The following ACTR2 variants were observed in gnomAD, a reference collection of about 807,000 sequenced individuals.
ACTR2 encodes actin-related protein 2.
Under a neutral mutation model 50.2 loss-of-function variants are expected in ACTR2, and 5 were observed. The observed-to-expected ratio is 0.10, with a 90% CI of 0.05 to 0.21. The LOEUF (loss-of-function observed/expected upper bound fraction) is 0.21. Ranked by LOEUF, ACTR2 falls within the 10% of genes least tolerant of loss-of-function variation. The pLI, the probability that ACTR2 is intolerant of heterozygous loss-of-function variation, is 1.00. For synonymous variants in ACTR2, 140 were observed against 162.9 expected, an observed-to-expected ratio of 0.86 and a Z score of 1.07; for missense variants, 180 against 480.6, an observed-to-expected ratio of 0.37 and a Z score of 5.85.
At chr2:65,245,919 C>A (rs1671928455) in intron 2 of ACTR2, among the ~76,000 whole-genome samples, 1 of 152,156 alleles carries the variant, frequency 6.6e-6, no homozygotes, top group African/African-American at 2.4e-5. Flanking sequence ...TCTACAAATT[C>A]TCATTCACCT....
At chr2:65,232,348 C>G (rs528340032) in intron 1 of ACTR2, among the ~76,000 whole-genome samples, 1 of 152,302 alleles carries the variant, frequency 6.6e-6, no homozygotes, top group Non-Finnish European at 1.5e-5. Flanking sequence ...GCTTATAGTG[C>G]TAGAATAATT....
In ACTR2 at chr2:65,269,530, C is replaced by G. The variant is rs1672452109; in HGVS notation, c.*796C>G. On this transcript the variant is annotated 3_prime_UTR_variant, in exon 9 of 9. Coordinates refer to ENST00000260641, the MANE Select transcript of ACTR2 (RefSeq NM_005722.4). ...TGTTTTTTAAAATCAACCATGTTAG[C>G]TGGGATTAGACTCCCTACAGTCCTT... 6.6e-6 allele frequency: 1 copy of G among 152,140 alleles called. No individual in the cohort carries two copies. 9.4% of individuals were successfully genotyped at this position (152,140 alleles called of 1,614,324 possible).
intron 7 of ACTR2, among the ~76,000 whole-genome samples, chr2:65,263,859 G>A (rs1375560566): frequency 6.6e-6 from 1 of 152,174 alleles, no homozygotes; most frequent in Admixed American, 6.5e-5. Flanking sequence ...TTCAAGACCA[G>A]TCTGGCCAAA....
intron 3 of ACTR2, 102 bp downstream of exon 3, chr2:65,246,841 G>A: frequency 1.2e-6 from 1 of 859,970 alleles, no homozygotes; most frequent in Non-Finnish European, 1.8e-6. Flanking sequence ...AAAAATAATT[G>A]TTTTCCTTCA....
At position 65,261,095 on chromosome 2, in the gene ACTR2, A is replaced by AC; in HGVS notation, c.736-150dup. 5 of 721,068 alleles carry AC rather than the reference A, an allele frequency of 6.9e-6. No homozygotes were observed. In the South Asian group the frequency reaches 8.1e-5, roughly 12 times the overall value. 44.7% of individuals were successfully genotyped at this position (721,068 alleles called of 1,614,324 possible). A position where few individuals can be genotyped will look rare whatever the true frequency, so the allele number is the denominator to read the frequency against. The stretch of plus-strand genomic sequence containing the variant: ...GCAGTTACCTAAATCTATTTAATTT[A>AC]CCTTTTTTTCCCCAAATATATTTTA... On this transcript the variant is annotated intron_variant, in intron 6 of 8. Transcript: ENST00000260641.
At chr2:65,247,119 C>T (rs2103997784) in intron 3 of ACTR2, among the ~76,000 whole-genome samples, 1 of 152,058 alleles carries the variant, frequency 6.6e-6, no homozygotes, top group Non-Finnish European at 1.5e-5. Flanking sequence ...ATCCAGTTGA[C>T]CCATGAGCAA....
At chr2:65,243,405 G>C (rs1449992337) in intron 2 of ACTR2, among the ~76,000 whole-genome samples, 1 of 152,130 alleles carries the variant, frequency 6.6e-6, no homozygotes, top group Non-Finnish European at 1.5e-5. Flanking sequence ...CGAGGTGGGA[G>C]GATAGCTTGA....
chr2:65,266,432 G>C (rs1306233112), intron 8 of ACTR2, among the ~76,000 whole-genome samples: 2 of 152,126 alleles, frequency 1.3e-5, no homozygotes, highest in Non-Finnish European at 2.9e-5. Context: ...AGTGTGGCTG[G>C]AGCAGAGTGA....
chr2:65,234,655 G>A (rs1048622199), intron 1 of ACTR2, among the ~76,000 whole-genome samples: 5 of 152,234 alleles, frequency 3.3e-5, no homozygotes, highest in Admixed American at 6.5e-5. Flanking sequence ...GAAGGAGAGG[G>A]GAGACGTGTC....
rs1672436178 is a variant in ACTR2, at chr2:65,268,970, G to C, written c.*236G>C. 4.7e-6 allele frequency: 2 copies of C among 424,940 alleles called. No homozygotes were observed. The highest frequency in any genetic ancestry group is 4.3e-5 in the East Asian group (1 of 23,194). The allele number at this position is 424,940 out of a possible 1,614,324, so 26.3% of individuals were successfully genotyped here. A position where few individuals can be genotyped will look rare whatever the true frequency, so the allele number is the denominator to read the frequency against. Reference sequence around the variant, plus strand: ...GACTAGAGGGCTAAGGATTCTGTCTGCTGCTTTGTTTCTTCTAAGTAGGCA... The same window carrying C: ...GACTAGAGGGCTAAGGATTCTGTCTCCTGCTTTGTTTCTTCTAAGTAGGCA... On this transcript the variant is annotated 3_prime_UTR_variant, in exon 9 of 9. Transcript: ENST00000260641.
chr2:65,248,070 G>A (rs1269926703), intron 3 of ACTR2, among the ~76,000 whole-genome samples: 1 of 152,132 alleles, frequency 6.6e-6, no homozygotes, highest in African/African-American at 2.4e-5. Flanking sequence ...AGAAGATGAG[G>A]TCGAGTAAGT....
intron 1 of ACTR2, among the ~76,000 whole-genome samples, chr2:65,229,473 A>T (rs1025965777): frequency 6.6e-6 from 1 of 151,938 alleles, no homozygotes; most frequent in Non-Finnish European, 1.5e-5. Flanking sequence ...ACGTACATTG[A>T]GGCCAGGCGC....
intron 1 of ACTR2, among the ~76,000 whole-genome samples, chr2:65,234,710 C>T (rs953003743): frequency 3.3e-5 from 5 of 152,208 alleles, no homozygotes; most frequent in African/African-American, 1.2e-4. Flanking sequence ...ACCTATGCTC[C>T]ATCCCAGGCT....
intron 2 of ACTR2, among the ~76,000 whole-genome samples, chr2:65,244,786 A>G (rs983829527): frequency 6.6e-6 from 1 of 151,930 alleles, no homozygotes; most frequent in Non-Finnish European, 1.5e-5. Flanking sequence ...TGTCTCTACT[A>G]AAAATACAAG....
chr2:65,240,552 C>T (rs1013580291), intron 2 of ACTR2, among the ~76,000 whole-genome samples: 7 of 152,092 alleles, frequency 4.6e-5, no homozygotes, highest in African/African-American at 1.4e-4. Context: ...GTTTTCATTG[C>T]CTACTCGCTG....
chr2:65,259,603 C>T (rs1208144297), intron 6 of ACTR2, among the ~76,000 whole-genome samples: 1 of 151,886 alleles, frequency 6.6e-6, no homozygotes, highest in Non-Finnish European at 1.5e-5. Flanking sequence ...GTGGCACATG[C>T]CTGTAATCTC....
At chr2:65,255,823 A>T in intron 6 of ACTR2, 129 bp downstream of exon 6, 1 of 643,542 alleles carries the variant, frequency 1.6e-6, no homozygotes, top group Non-Finnish European at 2.4e-6. Context: ...TATATGTGTG[A>T]CTTTTAATGT....
intron 6 of ACTR2, among the ~76,000 whole-genome samples, chr2:65,258,606 C>G (rs1672198374): frequency 6.6e-6 from 1 of 151,914 alleles, no homozygotes; most frequent in South Asian, 2.1e-4. Context: ...AAACAAAATC[C>G]ATATATATAT....
At chr2:65,252,457 T>C (rs1336463161) in intron 4 of ACTR2, among the ~76,000 whole-genome samples, 2 of 150,508 alleles carry the variant, frequency 1.3e-5, no homozygotes, top group East Asian at 2.0e-4. Flanking sequence ...TGACTAACAC[T>C]GTGAAACCCC....
Sources: allele counts gnomAD v4.1 joint callset (sites outside exome capture counted in the v4.1 genomes callset), GRCh38; gene constraint gnomAD v4.1.1; transcripts MANE v1.5; gene names NCBI Gene and HGNC (gene_info 2026-07-23, HGNC 2026-07-21).